ABCC4: variants seen among roughly 807,000 people sequenced by gnomAD.
The protein encoded by ABCC4 is ATP binding cassette subfamily C member 4 (PEL blood group), also known as ATP-binding cassette sub-family C member 4.
A neutral mutation model predicts 168.5 loss-of-function variants in ABCC4; 102 were observed. That is an observed-to-expected ratio of 0.61 (90% CI 0.52 to 0.71). ABCC4 has a LOEUF of 0.71. ABCC4 is among the 30% of genes least tolerant of loss of function. ABCC4 has a pLI of 0.00. For synonymous variants in ABCC4, 617 were observed against 590.7 expected (o/e 1.04, Z -0.65); for missense variants, 1,402 against 1,605.8 (o/e 0.87, Z 2.17).
chr13:95,124,186 C>A (rs1594135320), intron 19 of ABCC4, among the ~76,000 whole-genome samples: 1 of 152,092 alleles, frequency 6.6e-6, no homozygotes, highest in Non-Finnish European at 1.5e-5. Context: ...GGCACAAGTG[C>A]AGTTTGGAGA....
chr13:95,269,550 G>C (rs993257404), intron 1 of ABCC4: 1 of 156,536 alleles, frequency 6.4e-6, no homozygotes, highest in Non-Finnish European at 1.4e-5. Flanking sequence ...GGAGGAGCCT[G>C]GAATTGAGAC....
chr13:95,281,299 C>CAAAAAAAAAAA (rs10541756), intron 1 of ABCC4, among the ~76,000 whole-genome samples: 1 of 48,708 alleles, frequency 2.1e-5, no homozygotes, highest in Non-Finnish European at 3.6e-5. Flanking sequence ...GAGACTCTCT[C>CAAAAAAAAAAA]AAAAAAAAAA....
At chr13:95,135,570 G>A (rs1326062045) in intron 19 of ABCC4, among the ~76,000 whole-genome samples, 2 of 151,948 alleles carry the variant, frequency 1.3e-5, no homozygotes, top group Non-Finnish European at 2.9e-5. Context: ...ATACCATCAT[G>A]CCCAGCTAAT....
At chr13:95,258,541 A>G (rs1255483555) in intron 1 of ABCC4, among the ~76,000 whole-genome samples, 1 of 152,120 alleles carries the variant, frequency 6.6e-6, no homozygotes, top group Non-Finnish European at 1.5e-5. Context: ...ACTACAATCT[A>G]TTTGTGTAGA....
At chr13:95,202,366 C>G (rs2038651875) in intron 8 of ABCC4, among the ~76,000 whole-genome samples, 1 of 152,178 alleles carries the variant, frequency 6.6e-6, no homozygotes, top group Non-Finnish European at 1.5e-5. Context: ...CACGTGGGCC[C>G]TATCAGTTCT....
At chr13:95,242,948 C>T (rs940266707) in intron 3 of ABCC4, among the ~76,000 whole-genome samples, 6 of 152,242 alleles carry the variant, frequency 3.9e-5, no homozygotes, top group Middle Eastern at 3.4e-3. Flanking sequence ...TTCACTGCAT[C>T]GGAACTAAAA....
At chr13:95,281,136 C>T (rs189116173) in intron 1 of ABCC4, among the ~76,000 whole-genome samples, 1 of 151,212 alleles carries the variant, frequency 6.6e-6, no homozygotes, top group Non-Finnish European at 1.5e-5. Context: ...ATGGTGAAAC[C>T]CCATCTCTAC....
At chr13:95,287,156 G>C (rs138657520) in intron 1 of ABCC4, among the ~76,000 whole-genome samples, 3 of 151,776 alleles carry the variant, frequency 2.0e-5, no homozygotes, top group African/African-American at 7.3e-5. Context: ...AAATTAGCCC[G>C]GTATGGTAGC....
In ABCC4 at chr13:95,186,794, C is replaced by T. The variant is rs980634384; in HGVS notation, c.1452G>A (p.Val484=). ...RIAYVSQQPW[V]FSGTLRSNIL... ...TATTACTCCTCAGAGTTCCCGAGAA[C>T]ACCCAGGGCTGCTGAGACACATAGG... The change falls in exon 11 of 31, where the codon GTG becomes GTA. Residue 484 remains valine (V), a synonymous_variant. Coordinates refer to ENST00000645237, the MANE Select transcript of ABCC4 (RefSeq NM_005845.5). 6.2e-7 allele frequency: 1 copy of T among 1,614,040 alleles called. No homozygotes were observed. Among genetic ancestry groups the T allele is most frequent in the African/African-American group, 1.3e-5 (1 of 74,910 alleles).
chr13:95,258,548 T>C (rs1356368605), intron 1 of ABCC4, among the ~76,000 whole-genome samples: 1 of 152,216 alleles, frequency 6.6e-6, no homozygotes, highest in Admixed American at 6.5e-5. Flanking sequence ...TCTATTTGTG[T>C]AGATACAAAA....
At chr13:95,029,203 TATATATATATAGAG>T (rs2031717893) in intron 30 of ABCC4, among the ~76,000 whole-genome samples, 5 of 57,744 alleles carry the variant, frequency 8.7e-5, no homozygotes, top group Admixed American at 5.8e-4. Context: ...TATATATATA[TATATATATATAGAG>T]AGAGAGAGAG....
At chr13:95,075,154 G>A in intron 22 of ABCC4, 1 of 393,104 alleles carries the variant, frequency 2.5e-6, no homozygotes, top group Non-Finnish European at 4.6e-6. Flanking sequence ...GTGGCCTTTT[G>A]CAGAAAACGT....
At chr13:95,220,537 G>GAA (rs4148462) in intron 4 of ABCC4, among the ~76,000 whole-genome samples, 1,979 of 151,940 alleles carry the variant, frequency 0.013, 16 homozygotes, top group South Asian at 0.031. Flanking sequence ...TGTGCAGCAG[G>GAA]AAAAAAAATG....
chr13:95,114,842 T>A (rs1198973517), intron 20 of ABCC4, among the ~76,000 whole-genome samples: 1 of 152,180 alleles, frequency 6.6e-6, no homozygotes, highest in Admixed American at 6.5e-5. Flanking sequence ...CTAAAGCATC[T>A]GAGCATTGAG....
chr13:95,033,640 T>C (rs185052312), intron 30 of ABCC4, among the ~76,000 whole-genome samples: 1 of 151,962 alleles, frequency 6.6e-6, no homozygotes, highest in Non-Finnish European at 1.5e-5. Context: ...AAATTCTTGA[T>C]TTGTCCTGAT....
intron 1 of ABCC4, among the ~76,000 whole-genome samples, chr13:95,252,283 A>G (rs554552280): frequency 6.6e-6 from 1 of 152,334 alleles, no homozygotes; most frequent in African/African-American, 2.4e-5. Context: ...CCTTCTATCA[A>G]CGAAATGGTG....
At position 95,206,583 on chromosome 13, in the gene ABCC4, G is replaced by T; in HGVS notation, c.1110C>A (p.Pro370=). ...AVRLTVTLFF[P]SAIERVSEAI... ...CCTCTGACACCCTCTCAATGGCTGA[G>T]GGGAAGAAGAGGGTAACCGTCAGCC... Residue 370 remains proline, a synonymous_variant, in exon 8 of 31, where the codon CCC becomes CCA. Transcript: ENST00000645237. 1 of 1,614,168 alleles carries T rather than the reference G, an allele frequency of 6.2e-7. No homozygotes were observed. The highest frequency in any genetic ancestry group is 2.2e-5 in the East Asian group (1 of 44,872).
chr13:95,095,529 G>C (rs756663882), intron 20 of ABCC4, among the ~76,000 whole-genome samples: 4 of 152,076 alleles, frequency 2.6e-5, no homozygotes, highest in Admixed American at 6.6e-5. Flanking sequence ...TGGACTTTGG[G>C]GGTTTAGGGG....
chr13:95,045,120 C>T (rs2032522703), intron 27 of ABCC4, among the ~76,000 whole-genome samples: 1 of 152,222 alleles, frequency 6.6e-6, no homozygotes, highest in African/African-American at 2.4e-5. Context: ...AAGAACCCCT[C>T]TTCCAGGTAG....
Sources: allele counts gnomAD v4.1 joint callset (sites outside exome capture counted in the v4.1 genomes callset), GRCh38; gene constraint gnomAD v4.1.1; transcripts MANE v1.5; gene names NCBI Gene and HGNC (gene_info 2026-07-23, HGNC 2026-07-21).